The following BBS7 variants were observed in gnomAD, a reference collection of about 807,000 sequenced individuals.
The protein encoded by BBS7 is Bardet-Biedl syndrome 7, also known as BBSome complex member BBS7.
BBS7 carries 50 observed loss-of-function variants against 90.3 expected under a neutral mutation model. The ratio of observed to expected loss-of-function variants is 0.55; its 90% CI spans 0.44 to 0.70. BBS7 has a LOEUF of 0.70. Ranked by LOEUF, BBS7 falls within the 30% of genes least tolerant of loss-of-function variation. BBS7 has a pLI of 0.00. For synonymous variants in BBS7, 235 were observed against 287.4 expected (o/e 0.82, Z 1.85); for missense variants, 729 against 838.9 (o/e 0.87, Z 1.62).
intron 12 of BBS7, 73 bp from the exon 13 acceptor site, chr4:121,839,769 A>G: frequency 7.7e-7 from 1 of 1,302,024 alleles, no homozygotes. Flanking sequence ...ATCAATAATA[A>G]TAATGGTTAC....
intron 12 of BBS7, 133 bp from the exon 13 acceptor site, chr4:121,839,829 C>A: frequency 2.8e-6 from 2 of 722,900 alleles, no homozygotes; most frequent in Non-Finnish European, 4.7e-6. Context: ...CAAACATGTT[C>A]TAACTTACAC....
rs151263609 is a variant in BBS7 at position 121,855,275 on chromosome 4, G to A, written c.601+214C>T. Among the ~76,000 whole-genome samples, 2,398 of 152,042 alleles carry A rather than the reference G, an allele frequency of 0.016. 28 individuals are homozygous for A. Among genetic ancestry groups the A allele is most frequent in the Non-Finnish European group, 0.025 (1,720 of 67,932 alleles). Reference sequence around the variant, plus strand: ...GTGAGCTGAGATTGTACCACTGCACGCCAGCCTGGGAGACAGAGTGAGACC... The same window carrying A: ...GTGAGCTGAGATTGTACCACTGCACACCAGCCTGGGAGACAGAGTGAGACC... On this transcript the variant is annotated intron_variant, in intron 6 of 18. Transcript: ENST00000264499.
chr4:121,858,414 C>T (rs1726798083), intron 5 of BBS7, among the ~76,000 whole-genome samples: 1 of 152,082 alleles, frequency 6.6e-6, no homozygotes, highest in Non-Finnish European at 1.5e-5. Flanking sequence ...GAAAGTCACT[C>T]TCAAGAAGAT....
chr4:121,850,389 C>T (rs1285896125), intron 8 of BBS7, among the ~76,000 whole-genome samples: 1 of 152,074 alleles, frequency 6.6e-6, no homozygotes, highest in African/African-American at 2.4e-5. Flanking sequence ...TGGTGTTGAA[C>T]TCCTGGGCTC....
At chr4:121,841,894 T>C (rs1437502816) in intron 12 of BBS7, among the ~76,000 whole-genome samples, 9 of 152,096 alleles carry the variant, frequency 5.9e-5, no homozygotes, top group East Asian at 3.9e-4. Flanking sequence ...AAACCACATA[T>C]TGATAATATA....
At position 121,825,898 on chromosome 4, in the gene BBS7, C is replaced by T. The variant is rs1724881799; in HGVS notation, c.2110G>A (p.Asp704Asn). ...AAGAATGAAATCAATGCATTTTGGT[C>T]ATAACTGTCCAGAATTTCCAATAGA... ...PLLLEILDSY[D>N]QNALISFFDA... Residue 704 changes from aspartate to asparagine, a missense_variant, in exon 19 of 19, where the codon GAC becomes AAC. Transcript: ENST00000264499. The T allele has an allele frequency of 6.2e-7, 1 of 1,613,048 alleles. No individual in the cohort carries two copies. The highest frequency in any genetic ancestry group is 1.7e-5 in the Admixed American group (1 of 59,984).
chr4:121,857,259 G>C (rs971704786), intron 5 of BBS7, among the ~76,000 whole-genome samples: 3 of 151,738 alleles, frequency 2.0e-5, no homozygotes, highest in African/African-American at 7.3e-5. Context: ...GAGTAGCTGG[G>C]ACTACTGGCA....
At chr4:121,857,185 G>A (rs1339388112) in intron 5 of BBS7, among the ~76,000 whole-genome samples, 1 of 149,706 alleles carries the variant, frequency 6.7e-6, no homozygotes, top group Non-Finnish European at 1.5e-5. Context: ...GTGCAGTGGT[G>A]TGATCATAGC....
Position 121,828,191 on chromosome 4 carries a change from G to C in BBS7, c.1969C>G (p.Gln657Glu). 1 of 1,613,838 alleles carries C rather than the reference G, an allele frequency of 6.2e-7. No individual in the cohort carries two copies. The highest frequency in any genetic ancestry group is 8.5e-7 in the Non-Finnish European group (1 of 1,179,844). Residue 657 changes from glutamine to glutamate, a missense_variant, in exon 18 of 19, where the codon CAG becomes GAG. Gln to Glu is a conservative substitution (Grantham distance 29). Transcript: ENST00000264499. ...HCILEEADHL[Q>E]EEYKKQPAHL... is the part of the protein sequence containing the mutation. ...GCAGGTTGCTTTTTGTATTCTTCCT[G>C]TAGGTGATCTGCCTCTTCTAGAATA...
chr4:121,836,943 C>T (rs72917987), intron 13 of BBS7, among the ~76,000 whole-genome samples: 6,204 of 150,480 alleles, frequency 0.041, 416 homozygotes, highest in African/African-American at 0.14. Flanking sequence ...TTTTGATTCC[C>T]TCTTCTGTGT....
intron 12 of BBS7, among the ~76,000 whole-genome samples, chr4:121,843,236 T>C (rs1725832581): frequency 6.6e-6 from 1 of 152,096 alleles, no homozygotes; most frequent in South Asian, 2.1e-4. Flanking sequence ...AAATCAGGAA[T>C]ATTGAAAAGG....
chr4:121,846,897 T>A (rs1007424940), intron 10 of BBS7, among the ~76,000 whole-genome samples: 2 of 152,178 alleles, frequency 1.3e-5, no homozygotes, highest in Non-Finnish European at 2.9e-5. Flanking sequence ...TTATTGGAGT[T>A]TGAGGTCCCC....
rs982037757 is a variant in BBS7 at position 121,859,078 on chromosome 4, T to G, written c.442A>C (p.Asn148His). The G allele has an allele frequency of 3.7e-6, 6 of 1,613,782 alleles. No homozygotes were observed. The Admixed American group carries it at 8.3e-5, about 22-fold the overall frequency. ...TCCACTGGAAGGCAGATCACATCAT[T>G]GATTTTATCCCCAGAAAGGTAATAA... The part of the protein sequence containing the change: ...QHYYLSGDKI[N>H]DVICLPVERL... The change falls in exon 5 of 19, where the codon AAT becomes CAT. Residue 148 changes from asparagine (N) to histidine (H), a missense_variant. Transcript: ENST00000264499.
intron 18 of BBS7, among the ~76,000 whole-genome samples, 155 bp from the exon 19 acceptor site, chr4:121,826,148 C>T (rs979466453): frequency 6.6e-6 from 1 of 152,090 alleles, no homozygotes; most frequent in South Asian, 2.1e-4. Context: ...TAAAAATAGT[C>T]ATTTTGGGGG....
intron 5 of BBS7, 101 bp downstream of exon 5, chr4:121,858,891 A>C: frequency 9.2e-7 from 1 of 1,091,216 alleles, no homozygotes; most frequent in African/African-American, 1.6e-5. Context: ...TGTTTATAAA[A>C]GCCCTTAAAA....
chr4:121,847,463 A>G lies in BBS7; in HGVS notation c.978T>C (p.Ser326=). 1.9e-6 allele frequency: 3 copies of G among 1,613,802 alleles called. No individual in the cohort carries two copies. The highest frequency in any genetic ancestry group is 2.5e-6 in the Non-Finnish European group (3 of 1,179,824). ...TAATTTTTAGTTCTTCTCCTGGTCCACTTTCCTTATGAATGGGCTCTGTTG... is the reference window on the plus strand; with the variant it reads ...TAATTTTTAGTTCTTCTCCTGGTCCGCTTTCCTTATGAATGGGCTCTGTTG... ...GLTTEPIHKE[S]GPGEELKINQ... The change falls in exon 10 of 19, where the codon AGT becomes AGC. Residue 326 remains serine, a synonymous_variant. Coordinates refer to ENST00000264499, the MANE Select transcript of BBS7 (RefSeq NM_176824.3).
At chr4:121,846,962 G>A (rs951824710) in intron 10 of BBS7, among the ~76,000 whole-genome samples, 8 of 152,144 alleles carry the variant, frequency 5.3e-5, no homozygotes, top group Admixed American at 5.2e-4. Context: ...CCTGTGTCTA[G>A]GGGAGTCAAA....
rs1214037244 is a variant in BBS7 at position 121,848,873 on chromosome 4, T to C, written c.905A>G (p.Tyr302Cys). Residue 302 changes from tyrosine (Y) to cysteine (C), a missense_variant, in exon 9 of 19, where the codon TAT (tyrosine) becomes TGT (cysteine). Transcript: ENST00000264499. ...ATATGTGGACACCACGATTTCATCA[T>C]AGCTGTCTTTTCCTACACAACCACC... Reference protein sequence around the residue: ...IQGGCVGKDSYDEIVVSTYSG... With the variant: ...IQGGCVGKDSCDEIVVSTYSG... The C allele has an allele frequency of 6.2e-7, 1 of 1,613,982 alleles. No individual in the cohort carries two copies. Among genetic ancestry groups the C allele is most frequent in the South Asian group, 1.1e-5 (1 of 91,082 alleles).
Position 121,828,191 on chromosome 4 carries a change from GT to G in BBS7, c.1968del (p.Gln657ArgfsTer17), listed in dbSNP as rs746195596. ...GCAGGTTGCTTTTTGTATTCTTCCT[GT>G]AGGTGATCTGCCTCTTCTAGAATAC... is the stretch of plus-strand genomic sequence containing the variant. ...YHCILEEADH[L>X]QEEYKKQPAH... On this transcript the variant is annotated frameshift_variant, in exon 18 of 19. Transcript: ENST00000264499. LOFTEE classifies it high-confidence loss of function. 88 of 1,613,720 alleles carry G rather than the reference GT, an allele frequency of 5.5e-5. No homozygotes were observed. The highest frequency in any genetic ancestry group is 7.0e-5 in the Non-Finnish European group (82 of 1,179,852).
Sources: gnomAD v4.1 joint callset for allele counts (sites outside exome capture counted in the v4.1 genomes callset) on GRCh38, gnomAD v4.1.1 for gene constraint, MANE v1.5 for transcripts, NCBI Gene and HGNC (gene_info 2026-07-23, HGNC 2026-07-21) for gene names.